The following RAPGEF4 variants were observed in gnomAD, a reference collection of about 807,000 sequenced individuals.
RAPGEF4 encodes the protein RAP guanine-nucleotide-exchange factor (GEF) 4.
In RAPGEF4, 66 loss-of-function variants were observed where a neutral mutation model predicts 147.9. The ratio of observed to expected loss-of-function variants is 0.45; its 90% CI spans 0.37 to 0.55. The LOEUF is 0.55. Among genes scored for constraint, RAPGEF4 ranks in the 20% least tolerant of loss-of-function variants. The pLI is 0.00. For synonymous variants in RAPGEF4, 419 were observed against 442.7 expected (o/e 0.95, Z 0.67); for missense variants, 1,071 against 1,257.3 (o/e 0.85, Z 2.24).
chr2:173,001,330 G>T lies in RAPGEF4; in HGVS notation c.1644G>T (p.Pro548=), dbSNP rs35825006. 5.0e-6 allele frequency: 8 copies of T among 1,613,750 alleles called. No individual in the cohort carries two copies. The highest frequency in any genetic ancestry group is 5.9e-6 in the Non-Finnish European group (7 of 1,179,932). The part of the protein sequence containing the change: ...CVFMPNTQLC[P]ALVAHYHAQP... ...TTATGCCAAATACCCAGCTTTGCCC[G>T]GCACTGGTGGCCCAATATCCTTTTA... is the stretch of plus-strand genomic sequence containing the variant. Residue 548 remains proline, a synonymous_variant, in exon 17 of 31, where the codon CCG becomes CCT. Coordinates refer to ENST00000397081, the MANE Select transcript of RAPGEF4 (RefSeq NM_007023.4).
chr2:172,903,839 G>A (rs1461001656), intron 4 of RAPGEF4, among the ~76,000 whole-genome samples: 2 of 152,216 alleles, frequency 1.3e-5, no homozygotes, highest in Non-Finnish European at 2.9e-5. Context: ...GGCTTCACAT[G>A]TTGAGGGACA....
intron 4 of RAPGEF4, among the ~76,000 whole-genome samples, chr2:172,843,861 C>T (rs1691882275): frequency 6.6e-6 from 1 of 152,244 alleles, no homozygotes; most frequent in African/African-American, 2.4e-5. Context: ...AAGGCCTTCT[C>T]AGTGAGCACC....
chr2:172,762,689 A>G (rs1395892449), intron 1 of RAPGEF4, among the ~76,000 whole-genome samples: 4 of 152,172 alleles, frequency 2.6e-5, no homozygotes, highest in South Asian at 2.1e-4. Flanking sequence ...CAGACTTCCT[A>G]TATCCCAGCC....
intron 4 of RAPGEF4, among the ~76,000 whole-genome samples, chr2:172,914,549 T>C (rs1683833207): frequency 6.9e-6 from 1 of 144,050 alleles, no homozygotes; most frequent in Non-Finnish European, 1.5e-5. Flanking sequence ...CCACTGAATA[T>C]GGAGGAAGAG....
intron 29 of RAPGEF4, among the ~76,000 whole-genome samples, chr2:173,045,530 C>T (rs1551249): frequency 0.26 from 39,567 of 152,080 alleles, 5,542 homozygotes; most frequent in East Asian, 0.61. Flanking sequence ...ACAGTTATAT[C>T]CAAGTATTTG....
At chr2:172,892,592 A>G (rs1378778522) in intron 4 of RAPGEF4, among the ~76,000 whole-genome samples, 1 of 152,220 alleles carries the variant, frequency 6.6e-6, no homozygotes, top group Admixed American at 6.5e-5. Flanking sequence ...ATAACAGGGG[A>G]TTGCAGTCTG....
chr2:172,758,818 A>G (rs1448370516), intron 1 of RAPGEF4, among the ~76,000 whole-genome samples: 1 of 152,188 alleles, frequency 6.6e-6, no homozygotes, highest in Non-Finnish European at 1.5e-5. Context: ...TAAGTGTGAA[A>G]TTGGATATAT....
chr2:172,844,260 G>T (rs1396213364), intron 4 of RAPGEF4, among the ~76,000 whole-genome samples: 2 of 152,144 alleles, frequency 1.3e-5, no homozygotes, highest in African/African-American at 4.8e-5. Context: ...ACCTCATCTC[G>T]ATGTGCTGAG....
intron 6 of RAPGEF4, among the ~76,000 whole-genome samples, chr2:172,955,864 G>A (rs1371415205): frequency 6.6e-6 from 1 of 152,128 alleles, no homozygotes; most frequent in Non-Finnish European, 1.5e-5. Flanking sequence ...CAGCCCTGTG[G>A]CCACTGCGAC....
intron 4 of RAPGEF4, among the ~76,000 whole-genome samples, chr2:172,916,681 G>T (rs1369910271): frequency 2.6e-5 from 4 of 152,302 alleles, no homozygotes; most frequent in East Asian, 1.9e-4. Context: ...AAGAAAAAAA[G>T]AATTTTTAAA....
In RAPGEF4 at chr2:172,960,831, G is replaced by C; in HGVS notation, c.591+18G>C. On this transcript the variant is annotated intron_variant, in intron 7 of 30. Transcript: ENST00000397081. The stretch of plus-strand genomic sequence containing the variant: ...TTACCAAGGTAATGGGATGTAGGTG[G>C]GTTGATGAGCCATTGAGCTAGCTTC... 1 of 1,587,562 alleles carries C rather than the reference G, an allele frequency of 6.3e-7. No individual in the cohort carries two copies. Among genetic ancestry groups the C allele is most frequent in the Non-Finnish European group, 8.6e-7 (1 of 1,162,930 alleles).
chr2:172,768,113 G>C (rs1235317136), intron 1 of RAPGEF4, among the ~76,000 whole-genome samples: 1 of 152,210 alleles, frequency 6.6e-6, no homozygotes, highest in African/African-American at 2.4e-5. Context: ...CGCCTGGCCT[G>C]ATTCATGTTT....
At chr2:173,040,751 T>G (rs538253534) in intron 29 of RAPGEF4, among the ~76,000 whole-genome samples, 2 of 152,306 alleles carry the variant, frequency 1.3e-5, no homozygotes, top group East Asian at 3.9e-4. Context: ...TTTATGGGTA[T>G]GAACAAAAGA....
At chr2:172,960,418 G>A (rs1454049341) in intron 6 of RAPGEF4, among the ~76,000 whole-genome samples, 1 of 152,098 alleles carries the variant, frequency 6.6e-6, no homozygotes, top group Non-Finnish European at 1.5e-5. Flanking sequence ...CTCCATTTAT[G>A]TTTATCTTGT....
intron 4 of RAPGEF4, among the ~76,000 whole-genome samples, chr2:172,864,131 GGC>G (rs1397355256): frequency 2.0e-5 from 3 of 152,074 alleles, no homozygotes; most frequent in African/African-American, 4.8e-5. Flanking sequence ...CCTTATTTCA[GGC>G]ATATCATGGG....
intron 3 of RAPGEF4, among the ~76,000 whole-genome samples, chr2:172,802,573 AG>A (rs1420285574): frequency 6.6e-5 from 10 of 152,222 alleles, no homozygotes; most frequent in African/African-American, 2.2e-4. Flanking sequence ...GGTGAGATTT[AG>A]GTGAGGACAC....
intron 1 of RAPGEF4, among the ~76,000 whole-genome samples, chr2:172,775,883 C>T (rs7608634): frequency 0.99 from 151,017 of 152,306 alleles, 74,888 homozygotes; most frequent in Middle Eastern, 1. Flanking sequence ...AAATCATCTT[C>T]GGTTTACTAA....
At chr2:172,762,235 G>T (rs1449001275) in intron 1 of RAPGEF4, among the ~76,000 whole-genome samples, 1 of 152,228 alleles carries the variant, frequency 6.6e-6, no homozygotes, top group Non-Finnish European at 1.5e-5. Flanking sequence ...AACGATGTTA[G>T]TTGGTGAGCA....
chr2:172,989,110 A>T (rs1692569554), intron 14 of RAPGEF4, among the ~76,000 whole-genome samples: 1 of 152,192 alleles, frequency 6.6e-6, no homozygotes, highest in Non-Finnish European at 1.5e-5. Context: ...AATTGACGAT[A>T]AATAGGAATT....
Sources: gnomAD v4.1 joint callset for allele counts (sites outside exome capture counted in the v4.1 genomes callset) on GRCh38, gnomAD v4.1.1 for gene constraint, MANE v1.5 for transcripts, NCBI Gene and HGNC (gene_info 2026-07-23, HGNC 2026-07-21) for gene names.